The following NEB variants were observed in gnomAD, a reference collection of about 807,000 sequenced individuals.
NEB encodes the protein nemaline myopathy type 2.
A neutral mutation model predicts 952.2 loss-of-function variants in NEB; 512 were observed. That is an observed-to-expected ratio of 0.54 (90% CI 0.50 to 0.58). The LOEUF is 0.58. Ranked by LOEUF, NEB falls within the 20% of genes least tolerant of loss-of-function variation. The pLI is 0.00. For missense variants in NEB, 8,428 were observed against 9,231.1 expected (o/e 0.91, Z 3.56); for synonymous variants, 2,900 against 3,149.8 (o/e 0.92, Z 2.66).
chr2:151,709,550 C>T (rs2099737616), intron 12 of NEB, 106 bp downstream of exon 12: 1 of 819,148 alleles, frequency 1.2e-6, no homozygotes, highest in Non-Finnish European at 2.0e-6. Flanking sequence ...GTAGTTCCCC[C>T]AAGAACCACT....
Position 151,497,040 on chromosome 2 carries a change from G to C in NEB, c.24301-7C>G, listed in dbSNP as rs755582434. ...TGTTTTCTTTGTATAACACCTGTGC[G>C]ATAAGAAAGCAACCAGAAAAACAAC... On this transcript the variant is annotated splice_region_variant and splice_polypyrimidine_tract_variant and intron_variant, in intron 171 of 181. Coordinates refer to ENST00000397345, the MANE Select transcript of NEB (RefSeq NM_001164508.2). The C allele has an allele frequency of 6.4e-7, 1 of 1,561,840 alleles. No individual in the cohort carries two copies. The highest frequency in any genetic ancestry group is 1.4e-5 in the African/African-American group (1 of 73,710).
In NEB at chr2:151,519,009, G is replaced by GTATTC; in HGVS notation, c.22650_22651insGAATA (p.Leu7551GlufsTer3). ...GTATTCAGGACATGATTCATGATCAGAGACTCCTTCATGTCAGTCACGGGT... is the reference window on the plus strand; with the variant it reads ...GTATTCAGGACATGATTCATGATCAGTATTCAGACTCCTTCATGTCAGTCACGGGT... On this transcript the variant is annotated frameshift_variant, in exon 155 of 182. Transcript: ENST00000397345. LOFTEE classifies it high-confidence loss of function. The GTATTC allele has an allele frequency of 6.2e-7, 1 of 1,613,724 alleles. No homozygotes were observed. The highest frequency in any genetic ancestry group is 8.5e-7 in the Non-Finnish European group (1 of 1,179,700).
At chr2:151,569,192 T>TGA in intron 110 of NEB, 76 bp downstream of exon 110, 1 of 1,162,570 alleles carries the variant, frequency 8.6e-7, no homozygotes, top group Non-Finnish European at 1.3e-6. Context: ...TGATATTAGA[T>TGA]GACTATATTT....
In NEB at chr2:151,642,860, T is replaced by C. The variant is rs1170406394; in HGVS notation, c.8170A>G (p.Thr2724Ala). The part of the protein sequence containing the change: ...NAITMNHRLY[T>A]EAWDKDKTTV... ...GTTTTATCTTTATCCCAAGCTTCTG[T>C]ATAGAGGCGCTAAGAGAAACAGAAA... is the stretch of plus-strand genomic sequence containing the variant. The change falls in exon 59 of 182, where the codon ACA becomes GCA. Residue 2724 changes from threonine to alanine, a missense_variant. Physicochemically the swap from Thr to Ala is moderately conservative, Grantham distance 58. This residue lies in a region of NEB where 1,772 missense variants were observed against 1,960.3 expected (regional missense o/e 0.90). Transcript: ENST00000397345. 4 of 1,608,504 alleles carry C rather than the reference T, an allele frequency of 2.5e-6. No individual in the cohort carries two copies. The highest frequency in any genetic ancestry group is 2.2e-5 in the East Asian group (1 of 44,752).
chr2:151,644,052 C>A lies in NEB; in HGVS notation c.7722G>T (p.Met2574Ile), dbSNP rs748066063. 8 of 1,613,854 alleles carry A rather than the reference C, an allele frequency of 5.0e-6. No individual in the cohort carries two copies. Among genetic ancestry groups the A allele is most frequent in the Admixed American group, 1.7e-5 (1 of 59,996 alleles). ...GARNIEDDPK[M>I]MWSMHVAKIQ... ...TCTTGGCCACATGCATGGACCACAT[C>A]ATCTTGGGGTCATCTTCAATGTTCC... The change falls in exon 57 of 182, where the codon ATG becomes ATT. Residue 2574 changes from methionine to isoleucine, a missense_variant. Around this residue, in one of 11 missense-constraint regions of NEB, gnomAD observed 1,772 missense variants for 1,960.3 expected, o/e 0.90. Transcript: ENST00000397345.
At chr2:151,664,433 A>G (rs950627356) in intron 44 of NEB, 68 bp downstream of exon 44, 1 of 1,209,484 alleles carries the variant, frequency 8.3e-7, no homozygotes, top group Non-Finnish European at 1.1e-6. Context: ...CTGCTCCTAC[A>G]TACACACAAG....
intron 134 of NEB, among the ~76,000 whole-genome samples, 171 bp from the exon 135 acceptor site, chr2:151,546,169 C>T (rs983147195): frequency 4.6e-5 from 7 of 152,156 alleles, no homozygotes; most frequent in Non-Finnish European, 7.3e-5. Context: ...AGCTCAGCAC[C>T]TTTCATAGGA....
intron 10 of NEB, among the ~76,000 whole-genome samples, chr2:151,714,101 C>T (rs1363100278): frequency 6.6e-6 from 1 of 152,086 alleles, no homozygotes; most frequent in African/African-American, 2.4e-5. Flanking sequence ...ATTGTTTCCC[C>T]GCTAACCTCC....
intron 107 of NEB, 57 bp from the exon 108 acceptor site, chr2:151,570,658 T>C: frequency 6.8e-7 from 1 of 1,473,948 alleles, no homozygotes; most frequent in South Asian, 1.2e-5. Flanking sequence ...ATACCTTCAA[T>C]GGCTCAGGTG....
intron 168 of NEB, 122 bp downstream of exon 168, chr2:151,501,269 T>C (rs921236448): frequency 3.2e-6 from 2 of 623,650 alleles, no homozygotes; most frequent in African/African-American, 3.7e-5. Context: ...AAGGATTCAG[T>C]TGATGTGATT....
At chr2:151,513,232 C>T (rs556335527) in intron 160 of NEB, among the ~76,000 whole-genome samples, 2 of 152,236 alleles carry the variant, frequency 1.3e-5, no homozygotes, top group Admixed American at 1.3e-4. Flanking sequence ...AGGAAGAACT[C>T]CCAAGATATT....
intron 143 of NEB, 145 bp downstream of exon 143, chr2:151,533,297 A>T: frequency 1.7e-6 from 1 of 603,482 alleles, no homozygotes; most frequent in East Asian, 2.8e-5. Flanking sequence ...TTCAGAGATC[A>T]TTTACAAGGA....
chr2:151,629,635 T>A lies in NEB; in HGVS notation c.9735A>T (p.Lys3245Asn), dbSNP rs1048068996. The A allele has an allele frequency of 3.1e-6, 5 of 1,613,380 alleles. No homozygotes were observed. In the African/African-American group the frequency reaches 6.7e-5, roughly 22 times the overall value. The change falls in exon 68 of 182, where the codon AAA becomes AAT. Residue 3245 changes from lysine (K) to asparagine (N), a missense_variant. Transcript: ENST00000397345. The stretch of plus-strand genomic sequence containing the variant: ...TCTTTTTTGCTTCTTCATTGGCAAG[T>A]TTGTATAGAGTCTATGAAAAGAAAG... ...NKINYSETLY[K>N]LANEEAKKKG...
intron 43 of NEB, 74 bp from the exon 44 acceptor site, chr2:151,664,682 T>G (rs188454298): frequency 6.5e-7 from 1 of 1,527,102 alleles, no homozygotes; most frequent in Non-Finnish European, 9.0e-7. Context: ...ACAAAGTGGT[T>G]GGTATGTAGA....
chr2:151,536,577 C>T (rs1307013135), intron 141 of NEB, among the ~76,000 whole-genome samples: 1 of 152,126 alleles, frequency 6.6e-6, no homozygotes. Flanking sequence ...ATGGGTTTCA[C>T]CATTCCACAG....
Position 151,512,806 on chromosome 2 carries a change from T to C in NEB, c.23273A>G (p.Lys7758Arg). Residue 7758 changes from lysine to arginine, a missense_variant, in exon 161 of 182, where the codon AAA (lysine) becomes AGA (arginine). Lys to Arg is a conservative substitution (Grantham distance 26, BLOSUM62 2). This residue lies in a region of NEB where 3,374 missense variants were observed against 3,651.5 expected (regional missense o/e 0.92). Transcript: ENST00000397345. ...IKYKQSAEMEKANFTSVVDTP... is the reference protein window; with the variant it reads ...IKYKQSAEMERANFTSVVDTP... ...ATCAACCACAGAAGTGAAATTGGCTTTCTCCATTTCTGCTGATTGCTTATA... is the reference window on the plus strand; with the variant it reads ...ATCAACCACAGAAGTGAAATTGGCTCTCTCCATTTCTGCTGATTGCTTATA... 1 of 1,613,514 alleles carries C rather than the reference T, an allele frequency of 6.2e-7. No individual in the cohort carries two copies. Among genetic ancestry groups the C allele is most frequent in the East Asian group, 2.2e-5 (1 of 44,860 alleles).
intron 10 of NEB, 40 bp from the exon 11 acceptor site, chr2:151,710,578 T>A: frequency 8.1e-7 from 1 of 1,233,424 alleles, no homozygotes; most frequent in South Asian, 1.4e-5. Flanking sequence ...GCATAACTCA[T>A]GAATTGACAA....
At position 151,541,573 on chromosome 2, in the gene NEB, A is replaced by G. The variant is rs573628875; in HGVS notation, c.20578-22T>C. 7.4e-5 allele frequency: 118 copies of G among 1,584,464 alleles called. 2 individuals carry two copies. Among genetic ancestry groups the G allele is most frequent in the Admixed American group, 6.7e-4 (40 of 59,948 alleles). On this transcript the variant is annotated intron_variant, in intron 135 of 181. Transcript: ENST00000397345. ...CCAGCTAGACATAAACCAAGTTATC[A>G]CCATCATTTCTGTTTCATGGGCATG...
intron 44 of NEB, among the ~76,000 whole-genome samples, chr2:151,664,204 C>T (rs919093534): frequency 6.6e-6 from 1 of 152,182 alleles, no homozygotes; most frequent in African/African-American, 2.4e-5. Flanking sequence ...GAGGGCCTGG[C>T]CATGGGCCTC....
Sources: allele counts gnomAD v4.1 joint callset (sites outside exome capture counted in the v4.1 genomes callset), GRCh38; gene constraint gnomAD v4.1.1; regional missense constraint gnomAD v4.1.1; transcripts MANE v1.5; gene names NCBI Gene and HGNC (gene_info 2026-07-23, HGNC 2026-07-21).